Variants in TRPC3 observed in about 807,000 individuals in gnomAD.
TRPC3 encodes transient receptor potential cation channel subfamily C member 3.
A neutral mutation model predicts 90.9 loss-of-function variants in TRPC3; 54 were observed. That is an observed-to-expected ratio of 0.59 (90% CI 0.48 to 0.75). TRPC3 has a LOEUF of 0.75. Ranked by LOEUF, TRPC3 falls within the 30% of genes least tolerant of loss-of-function variation. The pLI, the probability that TRPC3 is intolerant of heterozygous loss-of-function variation, is 0.00. For synonymous variants in TRPC3, 424 were observed against 450.9 expected (o/e 0.94, Z 0.75); for missense variants, 918 against 1,194.5 (o/e 0.77, Z 3.41).
chr4:121,924,248 A>G (rs558280239), intron 3 of TRPC3, among the ~76,000 whole-genome samples: 2 of 152,226 alleles, frequency 1.3e-5, no homozygotes, highest in South Asian at 4.1e-4. Flanking sequence ...GATTCACATA[A>G]CAATGTAAAA....
rs772762426 is a variant in TRPC3 at position 121,932,359 on chromosome 4, A to AG, written c.898dup (p.Leu300ProfsTer32). The stretch of plus-strand genomic sequence containing the variant: ...CACCGGGTCCTCGCTGGACAATGAG[A>AG]GGTAAGCCGGGCTGGCCAGCCCCTT... On this transcript the variant is annotated frameshift_variant, in exon 2 of 12. Coordinates refer to ENST00000379645, the MANE Select transcript of TRPC3 (RefSeq NM_001130698.2). LOFTEE classifies it high-confidence loss of function. This position sits in a 1 kb window ranked among gnomAD's most constrained non-coding sequence, Gnocchi z 7.7. 4.3e-6 allele frequency: 7 copies of AG among 1,614,006 alleles called. No homozygotes were observed.
At chr4:121,919,580 G>A (rs532255654) in intron 3 of TRPC3, among the ~76,000 whole-genome samples, 2 of 152,304 alleles carry the variant, frequency 1.3e-5, no homozygotes, top group East Asian at 3.9e-4. Context: ...GTGCCGGCCA[G>A]CACACCCGTT....
Position 121,876,018 on chromosome 4 carries a change from C to T in TRPC3, c.*3718G>A, listed in dbSNP as rs2149099875. Among the ~76,000 whole-genome samples the T allele has an allele frequency of 6.6e-6, 1 of 151,282 alleles. No homozygotes were observed. The highest frequency in any genetic ancestry group is 1.5e-5 in the Non-Finnish European group (1 of 67,890). The stretch of plus-strand genomic sequence containing the variant: ...GGCTCAAGTTATCCTCTCACCCCAG[C>T]CTCCTGAGTAACTGGAACCACAGAC... On this transcript the variant is annotated 3_prime_UTR_variant, in exon 12 of 12. Coordinates refer to ENST00000379645, the MANE Select transcript of TRPC3 (RefSeq NM_001130698.2).
In TRPC3 at chr4:121,910,341, C is replaced by T. The variant is rs1312658554; in HGVS notation, c.1605G>A (p.Arg535=). Residue 535 remains arginine (R), a synonymous_variant, in exon 6 of 12, where the codon AGG becomes AGA. Transcript: ENST00000379645. ...CATTCCACAACTGCAAAATGTATTC[C>T]CTAGGTCCTTCCAGCCAGAGCTCTT... ...ECKELWLEGP[R]EYILQLWNVL... 2 of 1,613,628 alleles carry T rather than the reference C, an allele frequency of 1.2e-6. No individual in the cohort carries two copies. Among genetic ancestry groups the T allele is most frequent in the Non-Finnish European group, 1.7e-6 (2 of 1,179,720 alleles).
chr4:121,904,544 A>G, intron 7 of TRPC3, 27 bp from the exon 8 acceptor site: 2 of 1,496,354 alleles, frequency 1.3e-6, no homozygotes, highest in Non-Finnish European at 8.9e-7. Context: ...ATACAAAGTA[A>G]GTAAGTTAAC....
intron 10 of TRPC3, among the ~76,000 whole-genome samples, chr4:121,890,822 T>G (rs1453417765): frequency 1.3e-5 from 2 of 151,778 alleles, no homozygotes; most frequent in Non-Finnish European, 2.9e-5. Flanking sequence ...AAACCCCATC[T>G]CTACTAAAAA....
At chr4:121,897,987 C>T (rs1422113277) in intron 10 of TRPC3, among the ~76,000 whole-genome samples, 1 of 152,004 alleles carries the variant, frequency 6.6e-6, no homozygotes, top group East Asian at 1.9e-4. Context: ...AGATTGAAAT[C>T]CCATCATTTG....
At chr4:121,912,141 CA>C (rs1729131453) in intron 4 of TRPC3, 48 bp from the exon 5 acceptor site, 3 of 1,556,442 alleles carry the variant, frequency 1.9e-6, no homozygotes, top group African/African-American at 2.7e-5. Flanking sequence ...ATCTGGCTTT[CA>C]CTTGTGGAGA....
In TRPC3 at chr4:121,921,928, T is replaced by A. The variant is rs566422315; in HGVS notation, c.1176+3090A>T. 7.6e-3 allele frequency among the ~76,000 whole-genome samples: 1,135 copies of A among 150,116 alleles called. 11 individuals carry two copies. The highest frequency in any genetic ancestry group is 0.025 in the African/African-American group (1,027 of 40,762). On this transcript the variant is annotated intron_variant, in intron 3 of 11. Transcript: ENST00000379645. Reference sequence around the variant, plus strand: ...TTTTGGGTTTTTTTTTGTTTTTTTTTTTTTTTTCGAGTCGGAGTCTCGCTC... The same window carrying A: ...TTTTGGGTTTTTTTTTGTTTTTTTTATTTTTTTCGAGTCGGAGTCTCGCTC...
intron 10 of TRPC3, among the ~76,000 whole-genome samples, chr4:121,893,218 G>A (rs926588442): frequency 5.3e-5 from 8 of 152,036 alleles, no homozygotes; most frequent in African/African-American, 1.4e-4. Context: ...GCGTGTGTGC[G>A]TGTGTATGTA....
Position 121,879,503 on chromosome 4 carries a change from G to A in TRPC3, c.*233C>T. ...AATGAATAAAAGTTTCAATAATATA[G>A]TAATATTGGGCTTTTCAACACAATG... is the stretch of plus-strand genomic sequence containing the variant. On this transcript the variant is annotated 3_prime_UTR_variant, in exon 12 of 12. Transcript: ENST00000379645. 1 of 447,840 alleles carries A rather than the reference G, an allele frequency of 2.2e-6. No homozygotes were observed. The allele number at this position is 447,840 out of a possible 1,614,324, so 27.7% of individuals were successfully genotyped here. A position where few individuals can be genotyped will look rare whatever the true frequency, so the allele number is the denominator to read the frequency against.
At chr4:121,941,277 C>A (rs1730300653) in intron 1 of TRPC3, among the ~76,000 whole-genome samples, 1 of 152,126 alleles carries the variant, frequency 6.6e-6, no homozygotes, top group Non-Finnish European at 1.5e-5. Flanking sequence ...AAAGATTAAC[C>A]AACTATTCAA....
chr4:121,888,507 T>C (rs2149107908), intron 10 of TRPC3, among the ~76,000 whole-genome samples: 1 of 152,280 alleles, frequency 6.6e-6, no homozygotes, highest in African/African-American at 2.4e-5. Flanking sequence ...AGAATTAGTA[T>C]ATTCTAAGAG....
At chr4:121,924,777 T>G (rs886064848) in intron 3 of TRPC3, among the ~76,000 whole-genome samples, 2 of 152,158 alleles carry the variant, frequency 1.3e-5, no homozygotes, top group African/African-American at 4.8e-5. Flanking sequence ...TGGCCTCAAG[T>G]GATCCTCCTG....
In TRPC3 at chr4:121,939,862, C is replaced by T. The variant is rs376584484; in HGVS notation, c.216-6820G>A. On this transcript the variant is annotated intron_variant, in intron 1 of 11. Coordinates refer to ENST00000379645, the MANE Select transcript of TRPC3 (RefSeq NM_001130698.2). The stretch of plus-strand genomic sequence containing the variant: ...GTAGACATAGAACAGTGCCCAGAGA[C>T]CAGAAGAGTTAGAGGACACTAACTC... Among the ~76,000 whole-genome samples, 5 of 152,300 alleles carry T rather than the reference C, an allele frequency of 3.3e-5. No homozygotes were observed. In the East Asian group the frequency reaches 5.8e-4, roughly 18 times the overall value.
intron 2 of TRPC3, among the ~76,000 whole-genome samples, chr4:121,931,811 C>T (rs932984425): frequency 1.3e-5 from 2 of 152,192 alleles, no homozygotes; most frequent in Non-Finnish European, 2.9e-5. Context: ...TAGGAGCTTG[C>T]TCTGTCCAGT....
In TRPC3 at chr4:121,932,543, G is replaced by A; in HGVS notation, c.715C>T (p.Leu239=). The change falls in exon 2 of 12, where the codon CTG becomes TTG. Residue 239 remains leucine, a synonymous_variant. Coordinates refer to ENST00000379645, the MANE Select transcript of TRPC3 (RefSeq NM_001130698.2). The surrounding 1 kb of genome is among the most constrained non-coding windows in gnomAD (Gnocchi z 7.7). ...TCGTATTTCTGGCAGTGCGCCGCCA[G>A]GATGATGGGGGTGATGTCCGGCGAG... ...RFSPDITPII[L]AAHCQKYEVV... 1 of 1,614,220 alleles carries A rather than the reference G, an allele frequency of 6.2e-7. No homozygotes were observed. Among genetic ancestry groups the A allele is most frequent in the Non-Finnish European group, 8.5e-7 (1 of 1,180,026 alleles).
At chr4:121,948,661 C>T (rs1185078598) in intron 1 of TRPC3, among the ~76,000 whole-genome samples, 1 of 152,186 alleles carries the variant, frequency 6.6e-6, no homozygotes, top group East Asian at 1.9e-4. Context: ...CCAAACTCAA[C>T]TAATATTCCT....
chr4:121,947,309 T>G (rs768061709), intron 1 of TRPC3, among the ~76,000 whole-genome samples: 38 of 151,910 alleles, frequency 2.5e-4, no homozygotes, highest in Non-Finnish European at 4.3e-4. Flanking sequence ...CACTAGTCAG[T>G]CTGGACTCAA....
Sources: allele counts gnomAD v4.1 joint callset (sites outside exome capture counted in the v4.1 genomes callset), GRCh38; gene constraint gnomAD v4.1.1; non-coding constraint Gnocchi (gnomAD v3.1); transcripts MANE v1.5; gene names NCBI Gene and HGNC (gene_info 2026-07-23, HGNC 2026-07-21).